MYO18B: variants seen among roughly 807,000 people sequenced by gnomAD.
MYO18B encodes the protein myosin XVIIIB.
MYO18B carries 204 observed loss-of-function variants against 273.0 expected under a neutral mutation model. The observed-to-expected ratio is 0.75, with a 90% CI of 0.67 to 0.84. The LOEUF (loss-of-function observed/expected upper bound fraction) is 0.84, where lower values mean the gene tolerates loss of function less well. Among genes scored for constraint, MYO18B ranks in the 40% least tolerant of loss-of-function variants. The pLI is 0.00. For synonymous variants in MYO18B, 1,330 were observed against 1,305.7 expected, an observed-to-expected ratio of 1.02 and a Z score of -0.40; for missense variants, 3,212 against 3,287.6, an observed-to-expected ratio of 0.98 and a Z score of 0.56.
intron 15 of MYO18B, among the ~76,000 whole-genome samples, chr22:25,832,502 TAA>T (rs1007329202): frequency 6.6e-6 from 1 of 152,212 alleles, no homozygotes; most frequent in African/African-American, 2.4e-5. Context: ...GACATTATGC[TAA>T]GTTACATAAG....
chr22:25,996,406 G>C (rs1933250462), intron 40 of MYO18B, among the ~76,000 whole-genome samples: 1 of 152,168 alleles, frequency 6.6e-6, no homozygotes, highest in Admixed American at 6.5e-5. Context: ...CCCTCTTACA[G>C]ATGAAGAGAG....
chr22:25,907,181 T>G (rs896832473), intron 31 of MYO18B, among the ~76,000 whole-genome samples: 1 of 152,214 alleles, frequency 6.6e-6, no homozygotes, highest in Non-Finnish European at 1.5e-5. Context: ...GCCACAAAAT[T>G]TGAGAAGCCA....
At chr22:25,846,711 G>A (rs1326924130) in intron 19 of MYO18B, among the ~76,000 whole-genome samples, 8 of 152,218 alleles carry the variant, frequency 5.3e-5, no homozygotes, top group Admixed American at 4.6e-4. Context: ...GTGAATAAAT[G>A]AGAACATGAG....
chr22:25,835,298 C>G lies in MYO18B; in HGVS notation c.3063C>G (p.Val1021=), dbSNP rs775995554. The change falls in exon 17 of 44, where the codon GTC becomes GTG. Residue 1021 remains valine (V), a splice_region_variant and synonymous_variant. Transcript: ENST00000335473. ...GTGAATCCTGGTTCTCCCAGCAGGT[C>G]CGCTTACCAGCTGGAGGAGGTGCCC... is the stretch of plus-strand genomic sequence containing the variant. The part of the protein sequence containing the change: ...VAVVDQNPSQ[V]RLPAGGGAQD... 19 of 1,613,402 alleles carry G rather than the reference C, an allele frequency of 1.2e-5. No individual in the cohort carries two copies. The South Asian group carries it at 2.1e-4, about 18-fold the overall frequency.
At chr22:25,824,181 G>A (rs936860431) in intron 13 of MYO18B, among the ~76,000 whole-genome samples, 3 of 152,198 alleles carry the variant, frequency 2.0e-5, no homozygotes, top group African/African-American at 7.2e-5. Context: ...CAGGGGGATG[G>A]CATGATTTGG....
At chr22:25,781,446 A>G (rs531759653) in intron 9 of MYO18B, among the ~76,000 whole-genome samples, 1 of 152,102 alleles carries the variant, frequency 6.6e-6, no homozygotes, top group African/African-American at 2.4e-5. Flanking sequence ...CGTCTCTACT[A>G]AAAAAACAAA....
Position 25,846,160 on chromosome 22 carries a change from G to T in MYO18B, c.3429G>T (p.Val1143=). The T allele has an allele frequency of 6.2e-7, 1 of 1,609,822 alleles. No individual in the cohort carries two copies. Among genetic ancestry groups the T allele is most frequent in the Non-Finnish European group, 8.5e-7 (1 of 1,178,766 alleles). The change falls in exon 19 of 44, where the codon GTG becomes GTT. Residue 1143 remains valine, a synonymous_variant. Coordinates refer to ENST00000335473, the MANE Select transcript of MYO18B (RefSeq NM_032608.7). ...AGCTGCCTCCTGTGTGCCGGGCTGT[G>T]GCAGGCCTGGAGGGCACCTCCCAGC... The part of the protein sequence containing the change: ...RAKLPPVCRA[V]AGLEGTSQQA...
chr22:25,920,003 A>G (rs966070454), intron 33 of MYO18B, among the ~76,000 whole-genome samples: 1 of 152,044 alleles, frequency 6.6e-6, no homozygotes, highest in Non-Finnish European at 1.5e-5. Context: ...GGATGAGAAA[A>G]CTCAGGTTCA....
At chr22:26,001,149 T>A (rs1043991197) in intron 40 of MYO18B, among the ~76,000 whole-genome samples, 2 of 152,142 alleles carry the variant, frequency 1.3e-5, no homozygotes, top group Admixed American at 6.5e-5. Flanking sequence ...CAGTGTTGGG[T>A]CATGCCTGCT....
chr22:25,971,413 T>C (rs541877576), intron 39 of MYO18B, among the ~76,000 whole-genome samples: 1 of 152,348 alleles, frequency 6.6e-6, no homozygotes, highest in African/African-American at 2.4e-5. Context: ...TTTGCACATG[T>C]TAAGTGGTCA....
chr22:26,058,084 C>T, the MYO18B span, among the ~76,000 whole-genome samples: 3 of 152,144 alleles, frequency 2.0e-5, no homozygotes, highest in African/African-American at 7.2e-5. Context: ...GTTCAAGGTC[C>T]TCAAGATGAT....
At chr22:25,755,038 T>C (rs529132259) in intron 1 of MYO18B, among the ~76,000 whole-genome samples, 26 of 152,240 alleles carry the variant, frequency 1.7e-4, no homozygotes, top group African/African-American at 5.8e-4. Flanking sequence ...CTATTTATAA[T>C]TCGGGCTTTG....
At chr22:25,859,664 A>G (rs1247284030) in intron 21 of MYO18B, among the ~76,000 whole-genome samples, 1 of 151,266 alleles carries the variant, frequency 6.6e-6, no homozygotes, top group African/African-American at 2.4e-5. Context: ...TAGCCATTTT[A>G]TCTCTTTTTT....
At chr22:25,887,250 G>A (rs887043570) in intron 25 of MYO18B, among the ~76,000 whole-genome samples, 2 of 152,134 alleles carry the variant, frequency 1.3e-5, no homozygotes, top group African/African-American at 4.8e-5. Flanking sequence ...TGCTCACATA[G>A]TGCTTGTTGG....
chr22:25,784,888 C>T (rs564374389), intron 10 of MYO18B, among the ~76,000 whole-genome samples: 5 of 152,278 alleles, frequency 3.3e-5, no homozygotes, highest in South Asian at 4.1e-4. Context: ...GAGAGGTGCA[C>T]GTGGCAGGAT....
chr22:25,921,547 C>A, intron 34 of MYO18B, 138 bp downstream of exon 34: 1 of 1,075,682 alleles, frequency 9.3e-7, no homozygotes, highest in Non-Finnish European at 1.3e-6. Context: ...AGATGGGGGG[C>A]ATTTCAGGGC....
At chr22:25,994,377 G>A (rs1933009170) in intron 40 of MYO18B, among the ~76,000 whole-genome samples, 1 of 152,218 alleles carries the variant, frequency 6.6e-6, no homozygotes, top group East Asian at 1.9e-4. Context: ...GAGGTAGGAG[G>A]ATCATTTCAA....
chr22:25,965,709 T>G (rs570962261), intron 39 of MYO18B, among the ~76,000 whole-genome samples: 1 of 152,354 alleles, frequency 6.6e-6, no homozygotes, highest in South Asian at 2.1e-4. Flanking sequence ...GAAAGCAATG[T>G]GTTTTGAGTA....
At chr22:26,022,005 C>A (rs2146992798) in intron 42 of MYO18B, among the ~76,000 whole-genome samples, 1 of 152,220 alleles carries the variant, frequency 6.6e-6, no homozygotes, top group Middle Eastern at 3.4e-3. Context: ...AGCAGGTATA[C>A]CAGAAGGATA....
Sources: gnomAD v4.1 joint callset for allele counts (sites outside exome capture counted in the v4.1 genomes callset) on GRCh38, gnomAD v4.1.1 for gene constraint, MANE v1.5 for transcripts, NCBI Gene and HGNC (gene_info 2026-07-23, HGNC 2026-07-21) for gene names.